The following RCL1 variants were observed in gnomAD, a reference collection of about 807,000 sequenced individuals.
RCL1 encodes RNA 3'-terminal phosphate cyclase-like protein.
A neutral mutation model predicts 42.4 loss-of-function variants in RCL1; 24 were observed. That is an observed-to-expected ratio of 0.57 (90% CI 0.41 to 0.80). The LOEUF (loss-of-function observed/expected upper bound fraction) is 0.80, where lower values mean the gene tolerates loss of function less well. Ranked by LOEUF, RCL1 falls within the 30% of genes least tolerant of loss-of-function variation. The probability of loss-of-function intolerance (pLI) is 0.00; values close to 1 mark genes in which losing one functional copy is unlikely to be tolerated. For missense variants in RCL1, 578 were observed against 467.9 expected, an observed-to-expected ratio of 1.24 and a Z score of -2.17; for synonymous variants, 228 against 177.3, an observed-to-expected ratio of 1.29 and a Z score of -2.27.
At chr9:4,856,379 C>A (rs753560716) in intron 8 of RCL1, among the ~76,000 whole-genome samples, 12 of 152,300 alleles carry the variant, frequency 7.9e-5, no homozygotes, top group Non-Finnish European at 1.6e-4. Context: ...CTATCCAGTG[C>A]CTCTTTACTG....
intron 1 of RCL1, among the ~76,000 whole-genome samples, chr9:4,797,563 T>G (rs577365993): frequency 4.6e-5 from 7 of 152,320 alleles, no homozygotes; most frequent in African/African-American, 1.4e-4. Context: ...TGGCCTCTAG[T>G]GGTTAGAATC....
Position 4,834,193 on chromosome 9 carries a change from G to A in RCL1, c.512G>A (p.Cys171Tyr), listed in dbSNP as rs1381340757. ...PGGGGEVVFS[C>Y]PVRKVLKPIQ... ...GGAGGAGGCGAAGTGGTTTTCTCAT[G>A]TCCTGTGAGGAAGGTCTTGAAGCCC... Residue 171 changes from cysteine (C) to tyrosine (Y), a missense_variant, in exon 5 of 9, where the codon TGT (cysteine) becomes TAT (tyrosine). Cys to Tyr is a radical substitution (Grantham distance 194). Transcript: ENST00000381750. The A allele has an allele frequency of 3.7e-6, 6 of 1,613,670 alleles. No homozygotes were observed. The highest frequency in any genetic ancestry group is 2.2e-5 in the East Asian group (1 of 44,886).
intron 2 of RCL1, among the ~76,000 whole-genome samples, chr9:4,825,567 C>G (rs1268381322): frequency 1.3e-5 from 2 of 152,134 alleles, no homozygotes; most frequent in Non-Finnish European, 2.9e-5. Flanking sequence ...GTCCCAAGAA[C>G]TTTTTCCCAT....
intron 8 of RCL1, among the ~76,000 whole-genome samples, chr9:4,858,185 G>A (rs767750671): frequency 2.6e-5 from 4 of 151,912 alleles, no homozygotes; most frequent in Non-Finnish European, 5.9e-5. Flanking sequence ...CTCTCCCATC[G>A]TTTAATTAGG....
At chr9:4,841,099 A>G (rs1236550139) in intron 5 of RCL1, 133 bp from the exon 6 acceptor site, 1 of 946,078 alleles carries the variant, frequency 1.1e-6, no homozygotes, top group Non-Finnish European at 1.6e-6. Flanking sequence ...AATTCAGTAA[A>G]TTCAGTTGGA....
intron 1 of RCL1, among the ~76,000 whole-genome samples, chr9:4,798,126 G>C (rs556099757): frequency 1.2e-4 from 19 of 152,298 alleles, no homozygotes; most frequent in Non-Finnish European, 2.4e-4. Context: ...AATGTGGCCA[G>C]CTCCTGCCTG....
At chr9:4,829,578 C>T (rs570866763) in intron 3 of RCL1, among the ~76,000 whole-genome samples, 13 of 152,278 alleles carry the variant, frequency 8.5e-5, no homozygotes, top group Admixed American at 4.6e-4. Flanking sequence ...CAGGTCATCA[C>T]GATCTTACCT....
chr9:4,802,087 T>A (rs560950743), intron 1 of RCL1, among the ~76,000 whole-genome samples: 8,405 of 148,300 alleles, frequency 0.057, 473 homozygotes, highest in African/African-American at 0.13. Flanking sequence ...TTTTTTTTTT[T>A]TTTTTTTTTT....
chr9:4,827,422 C>T, intron 3 of RCL1: 2 of 490,764 alleles, frequency 4.1e-6, no homozygotes, highest in African/African-American at 1.9e-5. Context: ...ATCATAGCTC[C>T]TTGGCATTGT....
intron 3 of RCL1, among the ~76,000 whole-genome samples, chr9:4,829,877 G>C (rs1199062673): frequency 1.3e-5 from 2 of 152,166 alleles, no homozygotes; most frequent in African/African-American, 4.8e-5. Context: ...TTTGGATAAG[G>C]TGTGAGCTTT....
At chr9:4,824,664 G>C (rs1816701433) in intron 2 of RCL1, among the ~76,000 whole-genome samples, 1 of 152,014 alleles carries the variant, frequency 6.6e-6, no homozygotes, top group Non-Finnish European at 1.5e-5. Flanking sequence ...ATAAATCTCT[G>C]ACCTTTTCCC....
intron 4 of RCL1, 127 bp from the exon 5 acceptor site, chr9:4,834,014 A>G: frequency 9.7e-7 from 1 of 1,035,642 alleles, no homozygotes; most frequent in Non-Finnish European, 1.4e-6. Flanking sequence ...AGGGAATGAC[A>G]GATTGAATAT....
At chr9:4,829,343 G>A (rs1030760805) in intron 3 of RCL1, among the ~76,000 whole-genome samples, 3 of 152,270 alleles carry the variant, frequency 2.0e-5, no homozygotes, top group South Asian at 2.1e-4. Flanking sequence ...AATTGGAGGC[G>A]GAGTGAGAGG....
At chr9:4,820,062 T>A (rs1469170762) in intron 1 of RCL1, among the ~76,000 whole-genome samples, 1 of 152,256 alleles carries the variant, frequency 6.6e-6, no homozygotes, top group Non-Finnish European at 1.5e-5. Flanking sequence ...GTAGCCACTA[T>A]CCTCACCATT....
At chr9:4,851,370 C>T (rs1156370263) in intron 8 of RCL1, among the ~76,000 whole-genome samples, 1 of 152,162 alleles carries the variant, frequency 6.6e-6, no homozygotes, top group East Asian at 1.9e-4. Flanking sequence ...AGGGAAGCCT[C>T]CGTTCTTTTT....
intron 7 of RCL1, among the ~76,000 whole-genome samples, chr9:4,844,992 A>T (rs1267840027): frequency 2.0e-5 from 3 of 152,220 alleles, no homozygotes; most frequent in African/African-American, 4.8e-5. Flanking sequence ...GTGGTGGCTG[A>T]CACACTGCCC....
intron 8 of RCL1, chr9:4,850,223 TG>T: frequency 2.0e-6 from 1 of 496,414 alleles, no homozygotes; most frequent in Non-Finnish European, 4.3e-6. Context: ...CTTGCATACT[TG>T]GAGATCATCA....
chr9:4,811,915 A>T (rs993768465), intron 1 of RCL1, among the ~76,000 whole-genome samples: 4 of 152,094 alleles, frequency 2.6e-5, no homozygotes, highest in African/African-American at 9.7e-5. Context: ...ATGATATCTC[A>T]TTGGGGTTTT....
intron 3 of RCL1, among the ~76,000 whole-genome samples, chr9:4,828,140 C>G (rs182580696): frequency 3.2e-3 from 417 of 132,160 alleles, no homozygotes; most frequent in Non-Finnish European, 5.1e-3. Flanking sequence ...GAGCCGAGAT[C>G]GGGCAACAGA....
Sources: allele counts gnomAD v4.1 joint callset (sites outside exome capture counted in the v4.1 genomes callset), GRCh38; gene constraint gnomAD v4.1.1; transcripts MANE v1.5; gene names NCBI Gene and HGNC (gene_info 2026-07-23, HGNC 2026-07-21).